CDH7: variants seen among roughly 807,000 people sequenced by gnomAD.
The protein encoded by CDH7 is cadherin-7.
A neutral mutation model predicts 71.8 loss-of-function variants in CDH7; 25 were observed. The ratio of observed to expected loss-of-function variants is 0.35; its 90% confidence interval spans 0.25 to 0.49. The LOEUF (loss-of-function observed/expected upper bound fraction) is 0.49. CDH7 is among the 20% of genes least tolerant of loss of function. The pLI is 0.99. For synonymous variants in CDH7, 381 were observed against 363.8 expected (o/e 1.05, Z -0.54); for missense variants, 862 against 974.6 (o/e 0.88, Z 1.54).
intron 11 of CDH7, among the ~76,000 whole-genome samples, chr18:65,869,195 T>C (rs1280762526): frequency 6.7e-6 from 1 of 148,514 alleles, no homozygotes; most frequent in Admixed American, 7.0e-5. Flanking sequence ...TTCTGTCTCT[T>C]ATTGTTGCAC....
At chr18:65,831,565 C>A (rs565860590) in intron 6 of CDH7, among the ~76,000 whole-genome samples, 37 of 152,170 alleles carry the variant, frequency 2.4e-4, no homozygotes, top group African/African-American at 8.7e-4. Flanking sequence ...CTGTTTGTGG[C>A]CCTAACAAAA....
Position 65,810,903 on chromosome 18 carries a change from G to A in CDH7, c.505+905G>A, listed in dbSNP as rs189351073. Among the ~76,000 whole-genome samples, 595 of 152,086 alleles carry A rather than the reference G, an allele frequency of 3.9e-3. 4 individuals carry two copies. Among genetic ancestry groups the A allele is most frequent in the African/African-American group, 0.014 (576 of 41,480 alleles). On this transcript the variant is annotated intron_variant, in intron 3 of 11. Transcript: ENST00000397968. ...TTTATTCAAGGCCTTTTGTCATCGC[G>A]CCATTACTAGAAAGATACCCAGTAA...
chr18:65,880,738 T>A lies in CDH7; in HGVS notation c.2202T>A (p.Ala734=). 6.2e-7 allele frequency: 1 copy of A among 1,614,122 alleles called. No individual in the cohort carries two copies. Among genetic ancestry groups the A allele is most frequent in the Non-Finnish European group, 8.5e-7 (1 of 1,180,004 alleles). The change falls in exon 12 of 12, where the codon GCT becomes GCA. Residue 734 remains alanine (A), a synonymous_variant. Transcript: ENST00000397968. The part of the protein sequence containing the change: ...APPYDSLQTY[A]FEGNGSVAES... ...CTTATGACTCCCTGCAGACATATGC[T>A]TTTGAAGGAAATGGCTCAGTTGCTG...
intron 6 of CDH7, among the ~76,000 whole-genome samples, chr18:65,830,757 T>C (rs1912321788): frequency 1.5e-5 from 2 of 133,330 alleles, no homozygotes; most frequent in South Asian, 5.1e-4. Context: ...CTCTTTCTTT[T>C]CTCTCTCTCT....
chr18:65,759,129 A>G (rs140244623), intron 1 of CDH7, among the ~76,000 whole-genome samples: 2 of 152,358 alleles, frequency 1.3e-5, no homozygotes, highest in African/African-American at 2.4e-5. Flanking sequence ...TTCAAGAGCA[A>G]GAAGAGTACA....
intron 2 of CDH7, among the ~76,000 whole-genome samples, chr18:65,789,996 A>G (rs1018714895): frequency 6.6e-6 from 1 of 151,832 alleles, no homozygotes; most frequent in South Asian, 2.1e-4. Flanking sequence ...TTGGGAGGCC[A>G]AGGCAGACGG....
At chr18:65,877,615 C>A (rs1435746067) in intron 11 of CDH7, among the ~76,000 whole-genome samples, 1 of 151,996 alleles carries the variant, frequency 6.6e-6, no homozygotes. Flanking sequence ...TTATGCTGTT[C>A]AACATGTGTA....
intron 7 of CDH7, among the ~76,000 whole-genome samples, chr18:65,853,781 A>C (rs911409107): frequency 6.6e-6 from 1 of 151,372 alleles, no homozygotes; most frequent in Non-Finnish European, 1.5e-5. Context: ...TTTTCGTTGC[A>C]ATAAAAAAAG....
chr18:65,843,680 T>G, intron 6 of CDH7, 132 bp from the exon 7 acceptor site: 1 of 718,398 alleles, frequency 1.4e-6, no homozygotes, highest in South Asian at 2.8e-5. Flanking sequence ...TGTTATTTAT[T>G]ATTTTTGGAT....
intron 2 of CDH7, among the ~76,000 whole-genome samples, chr18:65,776,020 T>C (rs1289361131): frequency 6.7e-6 from 1 of 148,322 alleles, no homozygotes; most frequent in East Asian, 1.9e-4. Flanking sequence ...AGAGCAGATG[T>C]TAGTTATATT....
intron 11 of CDH7, among the ~76,000 whole-genome samples, chr18:65,875,038 T>G (rs1599068253): frequency 6.6e-6 from 1 of 152,322 alleles, no homozygotes; most frequent in East Asian, 1.9e-4. Flanking sequence ...TAACACAAAT[T>G]TGTACACTTT....
At chr18:65,791,071 A>T (rs570787485) in intron 2 of CDH7, among the ~76,000 whole-genome samples, 1 of 152,314 alleles carries the variant, frequency 6.6e-6, no homozygotes, top group East Asian at 1.9e-4. Flanking sequence ...TTTCGTGAAT[A>T]TTTTTACTTA....
chr18:65,772,536 G>C (rs952658165), intron 2 of CDH7, among the ~76,000 whole-genome samples: 1 of 152,072 alleles, frequency 6.6e-6, no homozygotes, highest in Non-Finnish European at 1.5e-5. Context: ...TTATACCTAA[G>C]AACATGTAGC....
rs1256208424 is a variant in CDH7, at chr18:65,882,441, A to T, written c.*1547A>T. 6.6e-6 allele frequency: 1 copy of T among 152,118 alleles called. No homozygotes were observed. The highest frequency in any genetic ancestry group is 1.5e-5 in the Non-Finnish European group (1 of 67,986). 9.4% of individuals were successfully genotyped at this position (152,118 alleles called of 1,614,324 possible). A position where few individuals can be genotyped will look rare whatever the true frequency, so the allele number is the denominator to read the frequency against. ...CCTAATACATTTACAGATAGTAAAC[A>T]CTGTGTAGAGAATCATGTTCTAAAA... On this transcript the variant is annotated 3_prime_UTR_variant, in exon 12 of 12. Transcript: ENST00000397968.
intron 6 of CDH7, among the ~76,000 whole-genome samples, chr18:65,838,718 T>G (rs1010595430): frequency 3.3e-5 from 5 of 152,220 alleles, no homozygotes; most frequent in African/African-American, 9.6e-5. Context: ...TGCAATGATT[T>G]TATTAAATGA....
At position 65,753,954 on chromosome 18, in the gene CDH7, T is replaced by A. The variant is rs1915956306; in HGVS notation, c.-197+2804T>A. ...AAGTGTTTATTGAAACCTGCTGACT[T>A]TTATTGAAGTCACATAAATCACACG... On this transcript the variant is annotated intron_variant, in intron 1 of 11. Transcript: ENST00000397968. Among the ~76,000 whole-genome samples the A allele has an allele frequency of 2.6e-5, 4 of 152,236 alleles. 1 individual carries two copies. In the South Asian group the frequency reaches 8.3e-4, roughly 32 times the overall value.
In CDH7 at chr18:65,837,416, G is replaced by T. The variant is rs1912568475; in HGVS notation, c.982-6396G>T. On this transcript the variant is annotated intron_variant, in intron 6 of 11. Coordinates refer to ENST00000397968, the MANE Select transcript of CDH7 (RefSeq NM_004361.5). ...AAAGTAAATGTTCTTGTATCATCAT[G>T]ACAGGGGATAGTTTTACAACCTGGA... Among the ~76,000 whole-genome samples the T allele has an allele frequency of 3.9e-5, 6 of 152,252 alleles. No individual in the cohort carries two copies. The South Asian group carries it at 1.2e-3, about 32-fold the overall frequency.
chr18:65,772,878 G>T (rs142840445), intron 2 of CDH7, among the ~76,000 whole-genome samples: 78 of 152,242 alleles, frequency 5.1e-4, no homozygotes, highest in African/African-American at 1.8e-3. Flanking sequence ...TTCTGTTTAC[G>T]ATCCAATTAA....
intron 2 of CDH7, among the ~76,000 whole-genome samples, chr18:65,776,930 G>A (rs1372114652): frequency 3.3e-5 from 5 of 152,110 alleles, no homozygotes; most frequent in African/African-American, 7.2e-5. Flanking sequence ...CTATAAACAG[G>A]CATTTTTATA....
Sources: gnomAD v4.1 joint callset for allele counts (sites outside exome capture counted in the v4.1 genomes callset) on GRCh38, gnomAD v4.1.1 for gene constraint, MANE v1.5 for transcripts, NCBI Gene and HGNC (gene_info 2026-07-23, HGNC 2026-07-21) for gene names.